Variants in CDC27 observed in about 807,000 individuals in gnomAD.
The protein encoded by CDC27 is cell division cycle protein 27 homolog.
A neutral mutation model predicts 109.7 loss-of-function variants in CDC27; 27 were observed. That is an observed-to-expected ratio of 0.25 (90% CI 0.18 to 0.34). The LOEUF (loss-of-function observed/expected upper bound fraction) is 0.34. Ranked by LOEUF, CDC27 falls within the 10% of genes least tolerant of loss-of-function variation. The pLI, the probability that CDC27 is intolerant of heterozygous loss-of-function variation, is 1.00. For synonymous variants in CDC27, 266 were observed against 333.9 expected (o/e 0.80, Z 2.22); for missense variants, 579 against 960.2 (o/e 0.60, Z 5.25).
At chr17:47,163,850 T>C (rs2063565344) in intron 4 of CDC27, among the ~76,000 whole-genome samples, 1 of 152,170 alleles carries the variant, frequency 6.6e-6, no homozygotes, top group African/African-American at 2.4e-5. Context: ...CTGCAACCTC[T>C]GCCTCCTGGA....
In CDC27 at chr17:47,120,313, G is replaced by T. The variant is rs1179626837; in HGVS notation, c.*622C>A. The T allele has an allele frequency of 6.6e-6, 1 of 152,638 alleles. No individual in the cohort carries two copies. Among genetic ancestry groups the T allele is most frequent in the Admixed American group, 6.5e-5 (1 of 15,284 alleles). 9.5% of individuals were successfully genotyped at this position (152,638 alleles called of 1,614,324 possible). ...TTAGACATTAAAGCATTCTTGCCAA[G>T]AATAAGAGTACACTGTATGGAGGGA... On this transcript the variant is annotated 3_prime_UTR_variant, in exon 19 of 19. Coordinates refer to ENST00000066544, the MANE Select transcript of CDC27 (RefSeq NM_001256.6).
chr17:47,174,956 C>G (rs1208214302), intron 2 of CDC27, among the ~76,000 whole-genome samples: 1 of 145,908 alleles, frequency 6.9e-6, no homozygotes, highest in Non-Finnish European at 1.5e-5. Flanking sequence ...TCGGTCGAAA[C>G]AGGACTATCG....
intron 14 of CDC27, among the ~76,000 whole-genome samples, chr17:47,133,637 C>T (rs1414140802): frequency 6.6e-6 from 1 of 151,516 alleles, no homozygotes; most frequent in Non-Finnish European, 1.5e-5. Flanking sequence ...CAGGGTTTCT[C>T]CATGTTGGTC....
chr17:47,141,768 T>A (rs1444376753), intron 12 of CDC27, 85 bp downstream of exon 12: 1 of 741,276 alleles, frequency 1.3e-6, no homozygotes, highest in Non-Finnish European at 2.2e-6. Context: ...ATCTTTTAGA[T>A]CTAGCCTTCT....
chr17:47,142,811 T>C (rs1359026047), intron 10 of CDC27, among the ~76,000 whole-genome samples: 2 of 152,194 alleles, frequency 1.3e-5, no homozygotes, highest in East Asian at 3.8e-4. Flanking sequence ...CCCGCGTAAC[T>C]GAGATTACAG....
At chr17:47,134,131 T>G (rs1950252075) in intron 14 of CDC27, among the ~76,000 whole-genome samples, 2 of 151,648 alleles carry the variant, frequency 1.3e-5, no homozygotes, top group South Asian at 4.2e-4. Flanking sequence ...ACTCTTAGCC[T>G]CAAACAATCC....
chr17:47,151,913 A>G lies in CDC27; in HGVS notation c.963T>C (p.Val321=). Residue 321 remains valine (V), a synonymous_variant, in exon 9 of 19, where the codon GTT becomes GTC. Coordinates refer to ENST00000066544, the MANE Select transcript of CDC27 (RefSeq NM_001256.6). ...PSTGAPSKKS[V]ARIGQTGTKS... is the part of the protein sequence containing the mutation. ...TTGTTCCAGTTTGGCCGATTCTGGCAACAGACTGTAAAACACGAAAAGTCT... is the reference window on the plus strand; with the variant it reads ...TTGTTCCAGTTTGGCCGATTCTGGCGACAGACTGTAAAACACGAAAAGTCT... 4 of 1,606,388 alleles carry G rather than the reference A, an allele frequency of 2.5e-6. No individual in the cohort carries two copies. Among genetic ancestry groups the G allele is most frequent in the African/African-American group, 1.3e-5 (1 of 74,916 alleles).
intron 3 of CDC27, among the ~76,000 whole-genome samples, 155 bp downstream of exon 3, chr17:47,171,762 T>C (rs1182597624): frequency 5.9e-5 from 9 of 152,142 alleles, no homozygotes; most frequent in Non-Finnish European, 1.2e-4. Flanking sequence ...ATAATATAAA[T>C]AATGCCATAG....
chr17:47,159,772 A>G, intron 4 of CDC27: 1 of 428,244 alleles, frequency 2.3e-6, no homozygotes. Flanking sequence ...TGTGCTTGAG[A>G]GAGGCCCCCA....
chr17:47,173,695 G>T (rs919842145), intron 2 of CDC27, among the ~76,000 whole-genome samples: 8 of 152,226 alleles, frequency 5.3e-5, no homozygotes, highest in Non-Finnish European at 1.0e-4. Context: ...ACATGTGCGT[G>T]TGTAATTTTA....
chr17:47,168,366 T>C (rs1380761787), intron 4 of CDC27, among the ~76,000 whole-genome samples: 1 of 152,126 alleles, frequency 6.6e-6, no homozygotes, highest in African/African-American at 2.4e-5. Flanking sequence ...AGATATCACT[T>C]TGGAGTTTCT....
intron 16 of CDC27, 107 bp from the exon 17 acceptor site, chr17:47,124,067 A>G (rs2062055998): frequency 1.8e-5 from 12 of 656,032 alleles, no homozygotes; most frequent in Non-Finnish European, 2.5e-6. Flanking sequence ...AGCTAACTAA[A>G]TCTTAATCAA....
At chr17:47,186,760 G>A (rs35238829) in intron 1 of CDC27, among the ~76,000 whole-genome samples, 11,486 of 149,678 alleles carry the variant, frequency 0.077, 485 homozygotes, top group African/African-American at 0.1. Flanking sequence ...AAACTTTAAA[G>A]AAAAAAAAAT....
intron 4 of CDC27, among the ~76,000 whole-genome samples, chr17:47,164,659 A>C (rs1253809438): frequency 1.3e-5 from 2 of 152,234 alleles, no homozygotes; most frequent in African/African-American, 4.8e-5. Flanking sequence ...TCTACTAAAA[A>C]TACAAAAATT....
Position 47,118,407 on chromosome 17 carries a change from T to G in CDC27, c.*2528A>C, listed in dbSNP as rs1856245683. 6.6e-6 allele frequency: 1 copy of G among 152,596 alleles called. No homozygotes were observed. The highest frequency in any genetic ancestry group is 1.5e-5 in the Non-Finnish European group (1 of 68,042). 9.5% of individuals were successfully genotyped at this position (152,596 alleles called of 1,614,324 possible). A position where few individuals can be genotyped will look rare whatever the true frequency, so the allele number is the denominator to read the frequency against. On this transcript the variant is annotated 3_prime_UTR_variant, in exon 19 of 19. Transcript: ENST00000066544. ...GAAAAAATATTCTAACCTTCTAAAA[T>G]CCCAGAGTTAAGAACCATTTCCAAG...
chr17:47,164,762 A>G lies in CDC27; in HGVS notation c.377+5155T>C, dbSNP rs139708916. Among the ~76,000 whole-genome samples, 808 of 152,306 alleles carry G rather than the reference A, an allele frequency of 5.3e-3. 6 individuals carry two copies. Among genetic ancestry groups the G allele is most frequent in the African/African-American group, 0.018 (762 of 41,562 alleles). On this transcript the variant is annotated intron_variant, in intron 4 of 18. Transcript: ENST00000066544. ...AACCTGGGAGGTGGAGACTGCAGTG[A>G]GCTGAGATTGTGCAACTGTACTCCA...
At chr17:47,122,335 G>T in intron 18 of CDC27, 109 bp downstream of exon 18, 1 of 700,284 alleles carries the variant, frequency 1.4e-6, no homozygotes, top group Non-Finnish European at 2.2e-6. Context: ...AAGTCCATTT[G>T]GTATAATGAA....
intron 1 of CDC27, 132 bp downstream of exon 1, chr17:47,189,014 G>A: frequency 6.7e-6 from 10 of 1,493,684 alleles, no homozygotes; most frequent in South Asian, 4.8e-5. Flanking sequence ...ACTAAAGATA[G>A]GCAGGACACG....
At chr17:47,187,665 A>G (rs2064496670) in intron 1 of CDC27, among the ~76,000 whole-genome samples, 1 of 151,898 alleles carries the variant, frequency 6.6e-6, no homozygotes, top group Non-Finnish European at 1.5e-5. Flanking sequence ...CAATGCAACT[A>G]GTTTATCACT....
Sources: allele counts gnomAD v4.1 joint callset (sites outside exome capture counted in the v4.1 genomes callset), GRCh38; gene constraint gnomAD v4.1.1; transcripts MANE v1.5; gene names NCBI Gene and HGNC (gene_info 2026-07-23, HGNC 2026-07-21).